The following SVIL variants were observed in gnomAD, a reference collection of about 807,000 sequenced individuals.
SVIL encodes the protein archvillin.
Under a neutral mutation model 240.4 loss-of-function variants are expected in SVIL, and 101 were observed. The observed-to-expected ratio is 0.42, with a 90% CI of 0.36 to 0.50. The LOEUF is 0.50. SVIL is among the 20% of genes least tolerant of loss of function. The pLI is 0.01. For missense variants in SVIL, 2,512 were observed against 2,818.7 expected, an observed-to-expected ratio of 0.89 and a Z score of 2.46; for synonymous variants, 999 against 1,100.0, an observed-to-expected ratio of 0.91 and a Z score of 1.82.
rs370627399 is a variant in SVIL at position 29,532,549 on chromosome 10, G to A, written c.1818C>T (p.Asn606=). Residue 606 remains asparagine, a synonymous_variant, in exon 8 of 38, where the codon AAC becomes AAT. Transcript: ENST00000355867. ...CCTACAGTTCAGGTCTCCTGCAGGC[G>A]TTGGCAGATGCCAGGAACGCACTTC... ...QLRSAFLASA[N]ACRRPELKSR... 91 of 1,610,962 alleles carry A rather than the reference G, an allele frequency of 5.6e-5. No homozygotes were observed. Among genetic ancestry groups the A allele is most frequent in the Middle Eastern group, 5.0e-4 (3 of 6,048 alleles).
Position 29,640,654 on chromosome 10 carries a change from C to T in SVIL, c.-201+17315G>A, listed in dbSNP as rs554199477. 1.4e-4 allele frequency among the ~76,000 whole-genome samples: 21 copies of T among 152,324 alleles called. No homozygotes were observed. In the East Asian group the frequency reaches 1.9e-3, roughly 14 times the overall value. On this transcript the variant is annotated intron_variant, in intron 3 of 35. Transcript: ENST00000375400. Reference sequence around the variant, plus strand: ...TCCTACCTGACCGCAACCTCCCCATCGGCAACTTGGCCACCCAAACCAGAA... The same window carrying T: ...TCCTACCTGACCGCAACCTCCCCATTGGCAACTTGGCCACCCAAACCAGAA...
chr10:29,569,522 G>A (rs1191013025), intron 1 of SVIL, among the ~76,000 whole-genome samples: 1 of 152,124 alleles, frequency 6.6e-6, no homozygotes, highest in East Asian at 1.9e-4. Context: ...TTTCTCTTCC[G>A]GAAAGTAGCC....
At chr10:29,509,322 A>AGGGG (rs746951772) in intron 17 of SVIL, among the ~76,000 whole-genome samples, 1 of 110,142 alleles carries the variant, frequency 9.1e-6, no homozygotes, top group Non-Finnish European at 1.9e-5. Context: ...AGGGAGAAGG[A>AGGGG]GGGGGAGGGA....
chr10:29,486,018 T>C lies in SVIL; in HGVS notation c.4779+67A>G, dbSNP rs1038256487. 55 of 1,587,644 alleles carry C rather than the reference T, an allele frequency of 3.5e-5. No homozygotes were observed. In the African/African-American group the frequency reaches 4.9e-4, roughly 14 times the overall value. Reference sequence around the variant, plus strand: ...TATTGGGAACTTACTCTCTAATCTATTGGGCAGCCTGTGCTGAGTGCTTTC... The same window carrying C: ...TATTGGGAACTTACTCTCTAATCTACTGGGCAGCCTGTGCTGAGTGCTTTC... On this transcript the variant is annotated intron_variant, in intron 26 of 37. Coordinates refer to ENST00000355867, the MANE Select transcript of SVIL (RefSeq NM_021738.3).
At chr10:29,707,247 G>A (rs760364368) in intron 1 of SVIL, among the ~76,000 whole-genome samples, 2 of 152,160 alleles carry the variant, frequency 1.3e-5, no homozygotes, top group Admixed American at 6.5e-5. Context: ...CCATTTTCAC[G>A]ATATTGATTC....
At chr10:29,537,237 G>C (rs1951807264) in intron 6 of SVIL, among the ~76,000 whole-genome samples, 1 of 152,094 alleles carries the variant, frequency 6.6e-6, no homozygotes, top group South Asian at 2.1e-4. Flanking sequence ...ACTAATTCAG[G>C]TCCATTCTGC....
At chr10:29,620,958 T>C (rs1464008438) in intron 1 of SVIL, among the ~76,000 whole-genome samples, 2 of 151,604 alleles carry the variant, frequency 1.3e-5, no homozygotes, top group Non-Finnish European at 2.9e-5. Context: ...TTTGATTTTT[T>C]ATTCTTAAAA....
intron 1 of SVIL, among the ~76,000 whole-genome samples, chr10:29,603,365 T>A (rs1375441545): frequency 6.6e-6 from 1 of 152,172 alleles, no homozygotes; most frequent in African/African-American, 2.4e-5. Flanking sequence ...AAAATAGGAA[T>A]CTCTGTATTT....
At chr10:29,557,158 C>T (rs189333479) in intron 3 of SVIL, among the ~76,000 whole-genome samples, 64 of 152,032 alleles carry the variant, frequency 4.2e-4, no homozygotes, top group Non-Finnish European at 7.6e-4. Context: ...TGTAGAGGCA[C>T]GATCTCGACT....
At chr10:29,697,165 G>A (rs1402172896) in intron 1 of SVIL, among the ~76,000 whole-genome samples, 2 of 76,644 alleles carry the variant, frequency 2.6e-5, no homozygotes, top group Non-Finnish European at 5.2e-5. Flanking sequence ...GCCCCCTCCC[G>A]GCCAGCCGCC....
rs963512109 is a variant in SVIL, at chr10:29,563,210, G to A, written c.-60C>T. 1.0e-6 allele frequency: 1 copy of A among 980,410 alleles called. No individual in the cohort carries two copies. The highest frequency in any genetic ancestry group is 1.2e-6 in the Non-Finnish European group (1 of 825,106). The allele number at this position is 980,410 out of a possible 1,614,324, so 60.7% of individuals were successfully genotyped here. On this transcript the variant is annotated 5_prime_UTR_variant, in exon 3 of 38. Transcript: ENST00000355867. ...TTAGGAACAGCCTTACCTTTAGGAAGTGCAACTAAAAGCTGAGCATCGATT... is the reference window on the plus strand; with the variant it reads ...TTAGGAACAGCCTTACCTTTAGGAAATGCAACTAAAAGCTGAGCATCGATT...
In SVIL at chr10:29,484,388, C is replaced by T. The variant is rs1947190731; in HGVS notation, c.4955+268G>A. 6.6e-6 allele frequency among the ~76,000 whole-genome samples: 1 copy of T among 152,174 alleles called. No individual in the cohort carries two copies. The highest frequency in any genetic ancestry group is 1.5e-5 in the Non-Finnish European group (1 of 68,030). On this transcript the variant is annotated intron_variant, in intron 27 of 37. Coordinates refer to ENST00000355867, the MANE Select transcript of SVIL (RefSeq NM_021738.3). This position sits in a 1 kb window ranked among gnomAD's most constrained non-coding sequence, Gnocchi z 4.7. ...TGCCACAGCAGCACTTGTAATGCCGCAGGGAGGAACTTGCAGCATTTCTTG... is the reference window on the plus strand; with the variant it reads ...TGCCACAGCAGCACTTGTAATGCCGTAGGGAGGAACTTGCAGCATTTCTTG...
Position 29,478,160 on chromosome 10 carries a change from C to G in SVIL, c.5377+2377G>C, listed in dbSNP as rs537712754. Among the ~76,000 whole-genome samples the G allele has an allele frequency of 2.6e-4, 39 of 152,326 alleles. 1 individual carries two copies. The South Asian group carries it at 4.6e-3, about 18-fold the overall frequency. On this transcript the variant is annotated intron_variant, in intron 29 of 37. Transcript: ENST00000355867. ...AGATCTGCCTGCCCCGAAACACACT[C>G]AATTCCCTATTATTATTGTCTTTGG...
At chr10:29,471,711 T>C (rs2132312938) in intron 30 of SVIL, among the ~76,000 whole-genome samples, 2 of 152,340 alleles carry the variant, frequency 1.3e-5, no homozygotes, top group Middle Eastern at 6.8e-3. Context: ...CTCAGCCTCT[T>C]CCTGGCCTGT....
chr10:29,591,058 G>A (rs1263031590), intron 1 of SVIL, among the ~76,000 whole-genome samples: 3 of 152,212 alleles, frequency 2.0e-5, no homozygotes, highest in South Asian at 2.1e-4. Context: ...GGCCAAGCCC[G>A]GTTCTGGGGC....
In SVIL at chr10:29,551,107, G is replaced by T; in HGVS notation, c.317C>A (p.Ala106Glu). 1 of 1,614,120 alleles carries T rather than the reference G, an allele frequency of 6.2e-7. No individual in the cohort carries two copies. Among genetic ancestry groups the T allele is most frequent in the Non-Finnish European group, 8.5e-7 (1 of 1,180,026 alleles). ...TCGCCTTCTTTCTGCTTTGTACCTTGCAATTCTTTCGGCTTTGGACTCCAG... is the reference window on the plus strand; with the variant it reads ...TCGCCTTCTTTCTGCTTTGTACCTTTCAATTCTTTCGGCTTTGGACTCCAG... ...HSLESKAERI[A>E]RYKAERRRQL... Residue 106 changes from alanine to glutamate, a missense_variant, in exon 6 of 38, where the codon GCA becomes GAA. Transcript: ENST00000355867.
chr10:29,634,577 C>A lies in SVIL; in HGVS notation c.-358G>T, dbSNP rs988587583. The A allele has an allele frequency of 3.3e-5, 5 of 152,134 alleles. No individual in the cohort carries two copies. Among genetic ancestry groups the A allele is most frequent in the African/African-American group, 1.2e-4 (5 of 41,434 alleles). The allele number at this position is 152,134 out of a possible 1,614,324, so 9.4% of individuals were successfully genotyped here. ...CGAGTATTTTCTTGGAGTCTCTTTC[C>A]AATGAATACTACTTTCAAATTCTAA... On this transcript the variant is annotated 5_prime_UTR_variant, in exon 1 of 38. Coordinates refer to ENST00000355867, the MANE Select transcript of SVIL (RefSeq NM_021738.3).
intron 17 of SVIL, among the ~76,000 whole-genome samples, chr10:29,504,862 A>G (rs144819165): frequency 0.013 from 1,925 of 152,346 alleles, 19 homozygotes; most frequent in Middle Eastern, 0.065. Context: ...AAATGAGTTG[A>G]AAACTTACAT....
At chr10:29,635,613 G>GA (rs1425320812), upstream of SVIL, among the ~76,000 whole-genome samples, 1 of 151,996 alleles carries the variant, frequency 6.6e-6, no homozygotes, top group African/African-American at 2.4e-5. Context: ...CTAACCTAAT[G>GA]AAAAAAATAT....
Sources: allele counts gnomAD v4.1 joint callset (sites outside exome capture counted in the v4.1 genomes callset), GRCh38; gene constraint gnomAD v4.1.1; non-coding constraint Gnocchi (gnomAD v3.1); transcripts MANE v1.5; gene names NCBI Gene and HGNC (gene_info 2026-07-23, HGNC 2026-07-21).